The following NRBF2 variants were observed in gnomAD, a reference collection of about 807,000 sequenced individuals.
NRBF2 encodes the protein nuclear receptor-binding factor 2.
Under a neutral mutation model 28.5 loss-of-function variants are expected in NRBF2, and 12 were observed. The ratio of observed to expected loss-of-function variants is 0.42; its 90% CI spans 0.27 to 0.68. The LOEUF is 0.68. NRBF2 is among the 30% of genes least tolerant of loss of function. NRBF2 has a pLI of 0.24. For synonymous variants in NRBF2, 102 were observed against 116.5 expected (o/e 0.88, Z 0.80); for missense variants, 274 against 333.5 (o/e 0.82, Z 1.39).
At chr10:63,144,417 C>CCT (rs1841527437) in intron 1 of NRBF2, among the ~76,000 whole-genome samples, 1 of 138,956 alleles carries the variant, frequency 7.2e-6, no homozygotes, top group Non-Finnish European at 1.5e-5. Context: ...ATTATCTTCC[C>CCT]TTTTTTTTTT....
intron 1 of NRBF2, among the ~76,000 whole-genome samples, chr10:63,141,756 G>C (rs1252743765): frequency 1.3e-5 from 2 of 152,214 alleles, no homozygotes; most frequent in African/African-American, 4.8e-5. Flanking sequence ...GTCAAACTGA[G>C]ATTTGAACGT....
rs1322195246 is a variant in NRBF2, at chr10:63,153,982, C to T, written c.628C>T (p.Pro210Ser). 1 of 1,611,656 alleles carries T rather than the reference C, an allele frequency of 6.2e-7. No homozygotes were observed. The highest frequency in any genetic ancestry group is 8.5e-7 in the Non-Finnish European group (1 of 1,179,748). ...TGAAAAGGCCAGACTTCTAAAAGGT[C>T]CAATAGAAAAGGAGCTGGATGTAGA... is the stretch of plus-strand genomic sequence containing the variant. ...KAEKARLLKG[P>S]IEKELDVDAD... is the part of the protein sequence containing the mutation. Residue 210 changes from proline to serine, a missense_variant, in exon 4 of 4, where the codon CCA becomes TCA. Physicochemically the swap from Pro to Ser is moderately conservative, Grantham distance 74. Transcript: ENST00000277746.
rs559403080 is a variant in NRBF2 at position 63,141,119 on chromosome 10, T to C, written c.31-5090T>C. 2.0e-5 allele frequency among the ~76,000 whole-genome samples: 3 copies of C among 152,030 alleles called. No homozygotes were observed. In the South Asian group the frequency reaches 6.2e-4, roughly 32 times the overall value. Reference sequence around the variant, plus strand: ...AATGAGAAGCACCACCAAGATAGGTTTTCTGTAAAATCTTCAGTTTATAAA... The same window carrying C: ...AATGAGAAGCACCACCAAGATAGGTCTTCTGTAAAATCTTCAGTTTATAAA... On this transcript the variant is annotated intron_variant, in intron 1 of 3. Coordinates refer to ENST00000277746, the MANE Select transcript of NRBF2 (RefSeq NM_030759.5).
intron 1 of NRBF2, among the ~76,000 whole-genome samples, chr10:63,135,502 A>G (rs949414360): frequency 2.6e-5 from 4 of 152,220 alleles, no homozygotes; most frequent in African/African-American, 9.6e-5. Context: ...AGGAAAAATT[A>G]GTTAAATGGT....
chr10:63,154,092 C>T lies in NRBF2; in HGVS notation c.738C>T (p.Phe246=), dbSNP rs749708278. 1.4e-5 allele frequency: 23 copies of T among 1,613,710 alleles called. No individual in the cohort carries two copies. Among genetic ancestry groups the T allele is most frequent in the Middle Eastern group, 1.7e-4 (1 of 6,032 alleles). ...CAGCCTCCTCAACCTGGCAGAAGTT[C>T]GCAGCAAATACTGGGAAAGCCAAGG... ...TATASSTWQK[F]AANTGKAKDI... The change falls in exon 4 of 4, where the codon TTC becomes TTT. Residue 246 remains phenylalanine, a synonymous_variant. Transcript: ENST00000277746.
At chr10:63,145,799 T>G (rs1233440683) in intron 1 of NRBF2, among the ~76,000 whole-genome samples, 7 of 152,370 alleles carry the variant, frequency 4.6e-5, no homozygotes, top group African/African-American at 1.7e-4. Flanking sequence ...ATTTCCTGAT[T>G]ATAGTTTTTA....
chr10:63,134,050 C>T (rs548674657), intron 1 of NRBF2, among the ~76,000 whole-genome samples: 4 of 151,304 alleles, frequency 2.6e-5, no homozygotes, highest in Admixed American at 1.3e-4. Context: ...CATACATTCA[C>T]ATGCATAAAC....
At chr10:63,151,817 G>C (rs1052577222) in intron 2 of NRBF2, among the ~76,000 whole-genome samples, 3 of 152,188 alleles carry the variant, frequency 2.0e-5, no homozygotes, top group Non-Finnish European at 2.9e-5. Flanking sequence ...ATTTTTGTGA[G>C]TATGATGAGT....
chr10:63,153,716 C>A lies in NRBF2; in HGVS notation c.362C>A (p.Pro121His). Reference sequence around the variant, plus strand: ...AGTCCCCTTTCTCAGAAGTACAGCCCTTCCACAGAGAAATGCCTGCCTGAG... The same window carrying A: ...AGTCCCCTTTCTCAGAAGTACAGCCATTCCACAGAGAAATGCCTGCCTGAG... ...GQSPLSQKYS[P>H]STEKCLPEIQ... The change falls in exon 4 of 4, where the codon CCT becomes CAT. Residue 121 changes from proline (P) to histidine (H), a missense_variant. By Grantham distance (77) the Pro-to-His change is moderately conservative (BLOSUM62 -2). Transcript: ENST00000277746. 1.2e-6 allele frequency: 2 copies of A among 1,612,450 alleles called. No individual in the cohort carries two copies. Among genetic ancestry groups the A allele is most frequent in the Non-Finnish European group, 1.7e-6 (2 of 1,179,768 alleles).
In NRBF2 at chr10:63,153,921, T is replaced by C; in HGVS notation, c.567T>C (p.Asn189=). 1 of 1,611,876 alleles carries C rather than the reference T, an allele frequency of 6.2e-7. No individual in the cohort carries two copies. Among genetic ancestry groups the C allele is most frequent in the Non-Finnish European group, 8.5e-7 (1 of 1,179,822 alleles). ...ATGTGGAATTCCTTGTGGCTGAGAA[T>C]GAAAGATTAAGGAAAGAAAATAAAC... is the stretch of plus-strand genomic sequence containing the variant. The part of the protein sequence containing the change: ...KRHVEFLVAE[N]ERLRKENKQL... Residue 189 remains asparagine (N), a synonymous_variant, in exon 4 of 4, where the codon AAT becomes AAC. Coordinates refer to ENST00000277746, the MANE Select transcript of NRBF2 (RefSeq NM_030759.5).
chr10:63,140,594 T>G (rs1841448016), intron 1 of NRBF2, among the ~76,000 whole-genome samples: 1 of 152,072 alleles, frequency 6.6e-6, no homozygotes, highest in African/African-American at 2.4e-5. Context: ...TTCTATTTTT[T>G]GTAGAGATGG....
intron 2 of NRBF2, among the ~76,000 whole-genome samples, chr10:63,150,737 A>G (rs948227058): frequency 1.7e-4 from 26 of 152,212 alleles, no homozygotes; most frequent in African/African-American, 6.3e-4. Context: ...ATACAACTCA[A>G]CATAATGTAG....
chr10:63,149,627 A>G (rs1170397271), intron 2 of NRBF2, among the ~76,000 whole-genome samples: 1 of 152,244 alleles, frequency 6.6e-6, no homozygotes, highest in African/African-American at 2.4e-5. Flanking sequence ...TAACTTTAAA[A>G]TGCCCCACTT....
At chr10:63,143,476 G>A (rs566304858) in intron 1 of NRBF2, among the ~76,000 whole-genome samples, 1 of 147,276 alleles carries the variant, frequency 6.8e-6, no homozygotes, top group East Asian at 2.0e-4. Flanking sequence ...TTTTTTTTTT[G>A]GGACCGAGTC....
At chr10:63,135,674 GTCTC>G (rs796984694) in intron 1 of NRBF2, among the ~76,000 whole-genome samples, 2 of 145,546 alleles carry the variant, frequency 1.4e-5, no homozygotes, top group African/African-American at 2.6e-5. Flanking sequence ...TTGAGATGGA[GTCTC>G]TCTCTGTCAC....
intron 3 of NRBF2, 132 bp from the exon 4 acceptor site, chr10:63,153,379 A>G (rs1841678691): frequency 1.4e-6 from 1 of 698,940 alleles, no homozygotes; most frequent in Admixed American, 3.2e-5. Flanking sequence ...TCTGAATGGT[A>G]TTTTTGCAAA....
intron 1 of NRBF2, among the ~76,000 whole-genome samples, chr10:63,139,939 C>T (rs760113485): frequency 1.3e-5 from 2 of 151,792 alleles, no homozygotes; most frequent in East Asian, 1.9e-4. Context: ...AGTTCAAGAC[C>T]AGCCTAGGCA....
intron 2 of NRBF2, among the ~76,000 whole-genome samples, chr10:63,149,899 A>C (rs1278376998): frequency 6.6e-6 from 1 of 152,070 alleles, no homozygotes; most frequent in African/African-American, 2.4e-5. Flanking sequence ...ATGTGTCTAC[A>C]GTGTATCAGA....
intron 2 of NRBF2, 67 bp downstream of exon 2, chr10:63,146,360 T>A: frequency 8.9e-7 from 1 of 1,117,452 alleles, no homozygotes; most frequent in Non-Finnish European, 1.3e-6. Context: ...TAATAATGTG[T>A]GTTGCTTTTC....
Sources: gnomAD v4.1 joint callset for allele counts (sites outside exome capture counted in the v4.1 genomes callset) on GRCh38, gnomAD v4.1.1 for gene constraint, MANE v1.5 for transcripts, NCBI Gene and HGNC (gene_info 2026-07-23, HGNC 2026-07-21) for gene names.